Variants in USH1G observed in about 807,000 individuals in gnomAD.
The protein encoded by USH1G is USH1 protein network component sans.
In USH1G, 27 loss-of-function variants were observed where a neutral mutation model predicts 31.9. The observed-to-expected ratio is 0.85, with a 90% confidence interval of 0.62 to 1.17. The LOEUF is 1.17. Ranked by LOEUF, USH1G falls within the 50% of genes most tolerant of loss-of-function variation. USH1G has a pLI of 0.00. For missense variants in USH1G, 674 were observed against 638.9 expected, an observed-to-expected ratio of 1.05 and a Z score of -0.59; for synonymous variants, 266 against 283.2, an observed-to-expected ratio of 0.94 and a Z score of 0.61.
At position 74,917,799 on chromosome 17, in the gene USH1G, A is replaced by G. The variant is rs1222563842; in HGVS notation, c.*274T>C. The G allele has an allele frequency of 2.1e-5, 11 of 518,268 alleles. No homozygotes were observed. Among genetic ancestry groups the G allele is most frequent in the South Asian group, 4.6e-5 (2 of 43,714 alleles). The allele number at this position is 518,268 out of a possible 1,614,324, so 32.1% of individuals were successfully genotyped here. On this transcript the variant is annotated 3_prime_UTR_variant, in exon 3 of 3. Coordinates refer to ENST00000614341, the MANE Select transcript of USH1G (RefSeq NM_173477.5). The stretch of plus-strand genomic sequence containing the variant: ...CTCCCTCTGGGGCAGGCCTCCCCCA[A>G]GTCTACATGTCCTTTACGGCTGCTC...
In USH1G at chr17:74,923,235, G is replaced by A. The variant is rs2144760062; in HGVS notation, c.-162C>T. ...CAGACGGAGGGTGCGGAGCGCCAGA[G>A]CCGCGACTACCAAGACATCTGAAAC... On this transcript the variant is annotated 5_prime_UTR_variant, in exon 1 of 3. Coordinates refer to ENST00000614341, the MANE Select transcript of USH1G (RefSeq NM_173477.5). This position sits in a 1 kb window ranked among gnomAD's most constrained non-coding sequence, Gnocchi z 5.3. The A allele has an allele frequency of 8.5e-6, 2 of 234,552 alleles. No homozygotes were observed. The highest frequency in any genetic ancestry group is 1.4e-5 in the Non-Finnish European group (2 of 142,418). 14.5% of individuals were successfully genotyped at this position (234,552 alleles called of 1,614,324 possible).
rs745328900 is a variant in USH1G, at chr17:74,919,918, CAG to C, written c.916_917del (p.Leu306ValfsTer49). 2.5e-6 allele frequency: 4 copies of C among 1,613,110 alleles called. No homozygotes were observed. Among genetic ancestry groups the C allele is most frequent in the Non-Finnish European group, 3.4e-6 (4 of 1,179,828 alleles). On this transcript the variant is annotated frameshift_variant, in exon 2 of 3. Coordinates refer to ENST00000614341, the MANE Select transcript of USH1G (RefSeq NM_173477.5). LOFTEE classifies it high-confidence loss of function. This position sits in a 1 kb window ranked among gnomAD's most constrained non-coding sequence, Gnocchi z 4.5. ...TGGTGCCCAGGCCGGGGCGGGTAAA[CAG>C]GGAGTCGTGGCCTGAGTCGGTGCTG... is the stretch of plus-strand genomic sequence containing the variant. ...EVSTDSGHDS[L>X]FTRPGLGTMV...
Position 74,919,429 on chromosome 17 carries a change from C to A in USH1G, c.1382+25G>T. ...GGCCTTCCAACTCCTGCTCCTCCAT[C>A]CCCCCCGCCAGGCTGGACACTCACA... On this transcript the variant is annotated intron_variant, in intron 2 of 2. Coordinates refer to ENST00000614341, the MANE Select transcript of USH1G (RefSeq NM_173477.5). The surrounding 1 kb of genome is among the most constrained non-coding windows in gnomAD (Gnocchi z 4.5). The A allele has an allele frequency of 1.3e-6, 2 of 1,580,294 alleles. No individual in the cohort carries two copies. The highest frequency in any genetic ancestry group is 1.7e-6 in the Non-Finnish European group (2 of 1,163,508).
In USH1G at chr17:74,920,377, C is replaced by T. The variant is rs201822644; in HGVS notation, c.459G>A (p.Leu153=). ...AERRIRECAK[L]QRRHHERMER... ...CCATGCGTTCGTGGTGCCTCCGCTG[C>T]AGCTTGGCGCACTCGCGGATGCGCC... The change falls in exon 2 of 3, where the codon CTG becomes CTA. Residue 153 remains leucine (L), a synonymous_variant. Transcript: ENST00000614341. The surrounding 1 kb of genome is among the most constrained non-coding windows in gnomAD (Gnocchi z 5.2). The T allele has an allele frequency of 1.4e-5, 23 of 1,612,880 alleles. No individual in the cohort carries two copies. The East Asian group carries it at 5.1e-4, about 36-fold the overall frequency.
chr17:74,917,987 G>A lies in USH1G; in HGVS notation c.*86C>T. On this transcript the variant is annotated 3_prime_UTR_variant, in exon 3 of 3. Coordinates refer to ENST00000614341, the MANE Select transcript of USH1G (RefSeq NM_173477.5). ...CTTGCTCCTGGGGAAGGGGGCTGCA[G>A]GGCTGGCAACTGTGAGGACCTCGAG... 6.3e-7 allele frequency: 1 copy of A among 1,577,758 alleles called. No individual in the cohort carries two copies. The highest frequency in any genetic ancestry group is 1.1e-5 in the South Asian group (1 of 89,224).
chr17:74,919,576 C>T lies in USH1G; in HGVS notation c.1260G>A (p.Leu420=). Residue 420 remains leucine (L), a synonymous_variant, in exon 2 of 3, where the codon CTG becomes CTA. Coordinates refer to ENST00000614341, the MANE Select transcript of USH1G (RefSeq NM_173477.5). The surrounding 1 kb of genome is among the most constrained non-coding windows in gnomAD (Gnocchi z 4.5). ...TGCTGCGGAGGTCGAGGTCAGAGCA[C>T]AGCATCAAAGCCTCGAGGTCGATCT... ...QEKIDLEALM[L]CSDLDLRSIS... 2 of 1,612,762 alleles carry T rather than the reference C, an allele frequency of 1.2e-6. No individual in the cohort carries two copies. Among genetic ancestry groups the T allele is most frequent in the Non-Finnish European group, 1.7e-6 (2 of 1,180,032 alleles).
chr17:74,917,897 C>T lies in USH1G; in HGVS notation c.*176G>A. On this transcript the variant is annotated 3_prime_UTR_variant, in exon 3 of 3. Transcript: ENST00000614341. ...GGAACATTCTCTTGCCCCTCTGGTG[C>T]CTCCAGGCCACACCCTCAGCTTCAA... is the stretch of plus-strand genomic sequence containing the variant. The T allele has an allele frequency of 2.5e-6, 2 of 785,088 alleles. No individual in the cohort carries two copies. Among genetic ancestry groups the T allele is most frequent in the Non-Finnish European group, 2.1e-6 (1 of 468,844 alleles). 48.6% of individuals were successfully genotyped at this position (785,088 alleles called of 1,614,324 possible).
rs949744145 is a variant in USH1G, at chr17:74,919,252, G to C, written c.1382+202C>G. Among the ~76,000 whole-genome samples, 8 of 152,076 alleles carry C rather than the reference G, an allele frequency of 5.3e-5. No homozygotes were observed. Among genetic ancestry groups the C allele is most frequent in the Non-Finnish European group, 1.5e-5 (1 of 68,016 alleles). On this transcript the variant is annotated intron_variant, in intron 2 of 2. Transcript: ENST00000614341. The surrounding 1 kb of genome is among the most constrained non-coding windows in gnomAD (Gnocchi z 4.5). ...CTTTCACTGTGATAAGAATGCCTCG[G>C]GTCATCATTAAATTGGCCACTTCTT...
Position 74,919,976 on chromosome 17 carries a change from G to T in USH1G, c.860C>A (p.Thr287Lys). Residue 287 changes from threonine (T) to lysine (K), a missense_variant, in exon 2 of 3, where the codon ACG becomes AAG. By Grantham distance (78) the Thr-to-Lys change is moderately conservative. Coordinates refer to ENST00000614341, the MANE Select transcript of USH1G (RefSeq NM_173477.5). This position sits in a 1 kb window ranked among gnomAD's most constrained non-coding sequence, Gnocchi z 4.5. ...LSDEDSVSRATLAAEPAHSEV... is the reference protein window; with the variant it reads ...LSDEDSVSRAKLAAEPAHSEV... Reference sequence around the variant, plus strand: ...CGAGTGGGCAGGCTCGGCCGCCAGCGTGGCACGGGAGACGCTGTCCTCGTC... The same window carrying T: ...CGAGTGGGCAGGCTCGGCCGCCAGCTTGGCACGGGAGACGCTGTCCTCGTC... 1 of 1,611,970 alleles carries T rather than the reference G, an allele frequency of 6.2e-7. No homozygotes were observed. Among genetic ancestry groups the T allele is most frequent in the Non-Finnish European group, 8.5e-7 (1 of 1,179,186 alleles).
chr17:74,917,769 C>T lies in USH1G; in HGVS notation c.*304G>A. On this transcript the variant is annotated 3_prime_UTR_variant, in exon 3 of 3. Coordinates refer to ENST00000614341, the MANE Select transcript of USH1G (RefSeq NM_173477.5). ...ACACTCTCATCCAGTTCCGATGCCC[C>T]TGCCCTCCCTCTGGGGCAGGCCTCC... is the stretch of plus-strand genomic sequence containing the variant. The T allele has an allele frequency of 2.1e-6, 1 of 481,374 alleles. No homozygotes were observed. The highest frequency in any genetic ancestry group is 3.3e-5 in the Admixed American group (1 of 30,602). The allele number at this position is 481,374 out of a possible 1,614,324, so 29.8% of individuals were successfully genotyped here. A position where few individuals can be genotyped will look rare whatever the true frequency, so the allele number is the denominator to read the frequency against.
In USH1G at chr17:74,920,677, G is replaced by A; in HGVS notation, c.165-6C>T. On this transcript the variant is annotated splice_polypyrimidine_tract_variant and splice_region_variant and intron_variant, in intron 1 of 2. Transcript: ENST00000614341. The surrounding 1 kb of genome is among the most constrained non-coding windows in gnomAD (Gnocchi z 5.2). ...CACACTTGTCCGGGTCACCCCTGCA[G>A]GGAAAGCATTCAGGAGGGACGAGTG... 1.9e-6 allele frequency: 3 copies of A among 1,613,516 alleles called. No individual in the cohort carries two copies. The highest frequency in any genetic ancestry group is 2.5e-6 in the Non-Finnish European group (3 of 1,180,010).
Position 74,923,172 on chromosome 17 carries a change from G to A in USH1G, c.-99C>T. ...GCTGAGGCATGAGGTTGGAGGACGG[G>A]GCCGGGCAGGGGCCGGGGCCGCCAG... is the stretch of plus-strand genomic sequence containing the variant. On this transcript the variant is annotated 5_prime_UTR_variant, in exon 1 of 3. Coordinates refer to ENST00000614341, the MANE Select transcript of USH1G (RefSeq NM_173477.5). This position sits in a 1 kb window ranked among gnomAD's most constrained non-coding sequence, Gnocchi z 5.3. The A allele has an allele frequency of 1.7e-6, 2 of 1,196,598 alleles. No homozygotes were observed. The highest frequency in any genetic ancestry group is 3.7e-5 in the South Asian group (2 of 54,056). 74.1% of individuals were successfully genotyped at this position (1,196,598 alleles called of 1,614,324 possible).
At position 74,922,994 on chromosome 17, in the gene USH1G, G is replaced by A. The variant is rs1311813328; in HGVS notation, c.80C>T (p.Ala27Val). The change falls in exon 1 of 3, where the codon GCC (alanine) becomes GTC (valine). Residue 27 changes from alanine to valine, a missense_variant. Ala to Val is a moderately conservative substitution (Grantham distance 64, BLOSUM62 0). Transcript: ENST00000614341. ...GGGGGTCATGCCATCCTCGTCGGGG[G>A]CATTCAGCTCCTTTCGGGTGGCCTC... The part of the protein sequence containing the change: ...LKEATRKELN[A>V]PDEDGMTPTL... The A allele has an allele frequency of 3.8e-6, 6 of 1,567,460 alleles. No homozygotes were observed. Among genetic ancestry groups the A allele is most frequent in the Admixed American group, 1.9e-5 (1 of 53,862 alleles).
Position 74,921,554 on chromosome 17 carries a change from C to G in USH1G, c.165-883G>C, listed in dbSNP as rs944745683. 6.6e-6 allele frequency among the ~76,000 whole-genome samples: 1 copy of G among 152,148 alleles called. No individual in the cohort carries two copies. Among genetic ancestry groups the G allele is most frequent in the African/African-American group, 2.4e-5 (1 of 41,440 alleles). On this transcript the variant is annotated intron_variant, in intron 1 of 2. Coordinates refer to ENST00000614341, the MANE Select transcript of USH1G (RefSeq NM_173477.5). The surrounding 1 kb of genome is among the most constrained non-coding windows in gnomAD (Gnocchi z 4.6). ...TGCACTAATGAGGCCACAAGGCCAA[C>G]CCCCAGGGCTGGGGGAAGAATCACT...
chr17:74,922,293 AG>A (rs1457161621), intron 1 of USH1G, among the ~76,000 whole-genome samples: 1 of 136,820 alleles, frequency 7.3e-6, no homozygotes, highest in Non-Finnish European at 1.5e-5. Flanking sequence ...AAGCCCCTTC[AG>A]GGTGACCACA....
At position 74,923,069 on chromosome 17, in the gene USH1G, T is replaced by C; in HGVS notation, c.5A>G (p.Asn2Ser). Residue 2 changes from asparagine (N) to serine (S), a missense_variant, in exon 1 of 3, where the codon AAC becomes AGC. Asn to Ser is a conservative substitution (Grantham distance 46). Transcript: ENST00000614341. This position sits in a 1 kb window ranked among gnomAD's most constrained non-coding sequence, Gnocchi z 5.3. Reference sequence around the variant, plus strand: ...CCGGGCTGCCCGGTGGTACTGGTCGTTCATGGCGCCCGAAGTGGACGGGGC... The same window carrying C: ...CCGGGCTGCCCGGTGGTACTGGTCGCTCATGGCGCCCGAAGTGGACGGGGC... M[N>S]DQYHRAARDG... 2 of 1,581,978 alleles carry C rather than the reference T, an allele frequency of 1.3e-6. No individual in the cohort carries two copies. Among genetic ancestry groups the C allele is most frequent in the East Asian group, 2.3e-5 (1 of 43,556 alleles).
rs1051840754 is a variant in USH1G at position 74,921,279 on chromosome 17, G to T, written c.165-608C>A. On this transcript the variant is annotated intron_variant, in intron 1 of 2. Coordinates refer to ENST00000614341, the MANE Select transcript of USH1G (RefSeq NM_173477.5). This position sits in a 1 kb window ranked among gnomAD's most constrained non-coding sequence, Gnocchi z 4.6. ...GTCGGGCCTTGGCCTGGGCGGGGAG[G>T]GGAGTGTGGGGGCAGCCAGGACTGG... Among the ~76,000 whole-genome samples, 1 of 152,084 alleles carries T rather than the reference G, an allele frequency of 6.6e-6. No homozygotes were observed. The highest frequency in any genetic ancestry group is 2.4e-5 in the African/African-American group (1 of 41,394).
rs1299864789 is a variant in USH1G, at chr17:74,920,214, C to T, written c.622G>A (p.Gly208Ser). Residue 208 changes from glycine to serine, a missense_variant, in exon 2 of 3, where the codon GGC becomes AGC. Transcript: ENST00000614341. The surrounding 1 kb of genome is among the most constrained non-coding windows in gnomAD (Gnocchi z 5.2). ...HLPYSQATLH[G>S]TARGKTKMQK... ...ATCTTGGTCTTGCCCCTGGCCGTGC[C>T]GTGCAGCGTGGCCTGAGAGTACGGC... is the stretch of plus-strand genomic sequence containing the variant. The T allele has an allele frequency of 6.2e-7, 1 of 1,602,730 alleles. No individual in the cohort carries two copies. The highest frequency in any genetic ancestry group is 8.5e-7 in the Non-Finnish European group (1 of 1,179,810).
In USH1G at chr17:74,917,708, G is replaced by A. The variant is rs984091765; in HGVS notation, c.*365C>T. ...GGGGAGGGGTGGGAGAGGCCACGGC[G>A]CCCGGGACAGGTGCACCCTCCCGCA... On this transcript the variant is annotated 3_prime_UTR_variant, in exon 3 of 3. Coordinates refer to ENST00000614341, the MANE Select transcript of USH1G (RefSeq NM_173477.5). The A allele has an allele frequency of 9.8e-5, 33 of 335,878 alleles. No homozygotes were observed. Among genetic ancestry groups the A allele is most frequent in the South Asian group, 4.5e-4 (12 of 26,532 alleles). The allele number at this position is 335,878 out of a possible 1,614,324, so 20.8% of individuals were successfully genotyped here. A position where few individuals can be genotyped will look rare whatever the true frequency, so the allele number is the denominator to read the frequency against.
Sources: gnomAD v4.1 joint callset for allele counts (sites outside exome capture counted in the v4.1 genomes callset) on GRCh38, gnomAD v4.1.1 for gene constraint, Gnocchi (gnomAD v3.1) non-coding constraint, MANE v1.5 for transcripts, NCBI Gene and HGNC (gene_info 2026-07-23, HGNC 2026-07-21) for gene names.